The following RCC1 variants were observed in gnomAD, a reference collection of about 807,000 sequenced individuals.
RCC1 encodes the protein regulator of chromosome condensation 1.
In RCC1, 11 loss-of-function variants were observed where a neutral mutation model predicts 44.4. The observed-to-expected ratio is 0.25, with a 90% CI of 0.16 to 0.41. The LOEUF (loss-of-function observed/expected upper bound fraction) is 0.41. Ranked by LOEUF, RCC1 falls within the 10% of genes least tolerant of loss-of-function variation. The probability of loss-of-function intolerance (pLI) is 1.00; values close to 1 mark genes in which losing one functional copy is unlikely to be tolerated. For missense variants in RCC1, 386 were observed against 547.1 expected (o/e 0.71, Z 2.94); for synonymous variants, 213 against 216.5 (o/e 0.98, Z 0.14).
rs995009852 is a variant in RCC1, at chr1:28,538,147, A to G, written c.*140A>G. On this transcript the variant is annotated 3_prime_UTR_variant, in exon 13 of 13. Coordinates refer to ENST00000683442, the MANE Select transcript of RCC1 (RefSeq NM_001381865.2). ...TCCTGCCTTTTCTCATCAGCAGAAC[A>G]GAATCCTTTTCCTCTTTTCCTTCCT... The G allele has an allele frequency of 1.1e-5, 8 of 709,148 alleles. No individual in the cohort carries two copies. Among genetic ancestry groups the G allele is most frequent in the Non-Finnish European group, 1.6e-5 (7 of 445,128 alleles). The allele number at this position is 709,148 out of a possible 1,614,324, so 43.9% of individuals were successfully genotyped here.
At chr1:28,530,527 G>A (rs1287480564) in intron 5 of RCC1, 1 of 1,602,996 alleles carries the variant, frequency 6.2e-7, no homozygotes, top group Non-Finnish European at 8.5e-7. Flanking sequence ...TTGCAGACAC[G>A]AGGGCCGCTG....
chr1:28,535,026 A>T, intron 7 of RCC1, 24 bp from the exon 8 acceptor site: 1 of 1,593,214 alleles, frequency 6.3e-7, no homozygotes, highest in Non-Finnish European at 8.6e-7. Flanking sequence ...ACTGGCTGAT[A>T]AGTGCCCTGT....
At chr1:28,509,368 AGT>A in intron 3 of RCC1, 1 of 170,242 alleles carries the variant, frequency 5.9e-6, no homozygotes, top group South Asian at 1.4e-4. Flanking sequence ...CAGCCTCCCA[AGT>A]AGCTGCGACT....
chr1:28,509,308 T>C (rs1299045055), intron 3 of RCC1: 1 of 178,836 alleles, frequency 5.6e-6, no homozygotes, highest in African/African-American at 2.4e-5. Flanking sequence ...CTTTTCATGA[T>C]CTTGCTCACT....
At chr1:28,519,067 C>G (rs1278691323) in intron 4 of RCC1, 1 of 152,218 alleles carries the variant, frequency 6.6e-6, no homozygotes, top group Non-Finnish European at 1.5e-5. Flanking sequence ...AGGGGGATCC[C>G]CCACCCTGCC....
In RCC1 at chr1:28,529,927, A is replaced by C; in HGVS notation, c.61A>C (p.Lys21Gln). The change falls in exon 5 of 13, where the codon AAG becomes CAG. Residue 21 changes from lysine to glutamine, a missense_variant. Transcript: ENST00000683442. ...CCCAGCAGATGCCATCCCCAAAAGC[A>C]AGAAGGTGAAGGGTAAGTTGGCCTT... ...SPPADAIPKS[K>Q]KVKVSHRSHS... 3.1e-6 allele frequency: 5 copies of C among 1,613,928 alleles called. No individual in the cohort carries two copies. The highest frequency in any genetic ancestry group is 4.2e-6 in the Non-Finnish European group (5 of 1,179,922).
chr1:28,506,669 T>G (rs906060721), intron 1 of RCC1: 3 of 169,564 alleles, frequency 1.8e-5, no homozygotes, highest in African/African-American at 7.2e-5. Context: ...TCTTACTGCC[T>G]CATAGTAGGC....
chr1:28,530,024 C>A, intron 5 of RCC1, 85 bp downstream of exon 5: 2 of 1,092,132 alleles, frequency 1.8e-6, no homozygotes, highest in South Asian at 1.4e-5. Context: ...CTTCCTGAGG[C>A]TTGAAGCTGA....
At position 28,529,769 on chromosome 1, in the gene RCC1, C is replaced by T. The variant is rs991338526; in HGVS notation, c.-9-89C>T. Reference sequence around the variant, plus strand: ...GGAATTGTTGGGCAATTCCTCTTAACGTATTTCTAGAGTGTTTGATAAATA... The same window carrying T: ...GGAATTGTTGGGCAATTCCTCTTAATGTATTTCTAGAGTGTTTGATAAATA... On this transcript the variant is annotated intron_variant, in intron 4 of 12. Coordinates refer to ENST00000683442, the MANE Select transcript of RCC1 (RefSeq NM_001381865.2). 50 of 982,844 alleles carry T rather than the reference C, an allele frequency of 5.1e-5. 1 individual carries two copies. The highest frequency in any genetic ancestry group is 4.0e-5 in the Admixed American group (2 of 50,088). 60.9% of individuals were successfully genotyped at this position (982,844 alleles called of 1,614,324 possible).
At chr1:28,535,767 T>C in intron 9 of RCC1, 104 bp from the exon 10 acceptor site, 2 of 1,263,590 alleles carry the variant, frequency 1.6e-6, no homozygotes, top group Non-Finnish European at 2.3e-6. Flanking sequence ...GAGTCCCTAC[T>C]TAGCCTCTCA....
At chr1:28,531,259 C>CTTTTTTTTTTT (rs769808394) in intron 5 of RCC1, among the ~76,000 whole-genome samples, 16 of 132,446 alleles carry the variant, frequency 1.2e-4, no homozygotes, top group Middle Eastern at 4.2e-3. Flanking sequence ...GCTTTCTTTT[C>CTTTTTTTTTTT]TTTTTCTTTT....
At chr1:28,526,365 G>C in intron 4 of RCC1, 1 of 389,182 alleles carries the variant, frequency 2.6e-6, no homozygotes. Context: ...ACCTCTTAGT[G>C]CAAGACCAGG....
rs545762866 is a variant in RCC1 at position 28,536,647 on chromosome 1, G to A, written c.938-100G>A. The stretch of plus-strand genomic sequence containing the variant: ...TCTCCTTCTGATCGCTCTGGGAGCA[G>A]GGACACACTCCCATGGACAGGTGGA... On this transcript the variant is annotated intron_variant, in intron 11 of 12. Coordinates refer to ENST00000683442, the MANE Select transcript of RCC1 (RefSeq NM_001381865.2). The surrounding 1 kb of genome is among the most constrained non-coding windows in gnomAD (Gnocchi z 4.9). 10 of 1,402,542 alleles carry A rather than the reference G, an allele frequency of 7.1e-6. No homozygotes were observed. The African/African-American group carries it at 1.3e-4, about 18-fold the overall frequency. The allele number at this position is 1,402,542 out of a possible 1,614,324, so 86.9% of individuals were successfully genotyped here. A position where few individuals can be genotyped will look rare whatever the true frequency, so the allele number is the denominator to read the frequency against.
At chr1:28,532,827 TGTTTTGAGATGGAG>T in intron 7 of RCC1, 2 of 427,228 alleles carry the variant, frequency 4.7e-6, no homozygotes. Context: ...GTTTTTGTAT[TGTTTTGAGATGGAG>T]TTTCACTCTT....
At chr1:28,526,269 AGAGT>A (rs1247222874) in intron 4 of RCC1, 4 of 216,732 alleles carry the variant, frequency 1.8e-5, no homozygotes, top group African/African-American at 9.2e-5. Context: ...TGGGCAACAG[AGAGT>A]GAGATGCTGT....
chr1:28,517,812 CT>C (rs1364950129), intron 4 of RCC1, among the ~76,000 whole-genome samples: 2 of 152,140 alleles, frequency 1.3e-5, no homozygotes, highest in Non-Finnish European at 2.9e-5. Context: ...TCCTGCCCCC[CT>C]AGACTTAACT....
rs1486824844 is a variant in RCC1 at position 28,536,423 on chromosome 1, TC to T, written c.937+45del. The T allele has an allele frequency of 1.2e-6, 2 of 1,601,304 alleles. No individual in the cohort carries two copies. Among genetic ancestry groups the T allele is most frequent in the South Asian group, 2.2e-5 (2 of 89,410 alleles). On this transcript the variant is annotated intron_variant, in intron 11 of 12. Transcript: ENST00000683442. This position sits in a 1 kb window ranked among gnomAD's most constrained non-coding sequence, Gnocchi z 4.9. ...CTTCTCTAGTTTGGGGGTGGAGTGT[TC>T]CCTGGCCTAGGCCTAGCCAGATTCC...
At chr1:28,507,322 T>A (rs41270837) in intron 1 of RCC1, 26,692 of 512,384 alleles carry the variant, frequency 0.052, 2,179 homozygotes, top group African/African-American at 0.27. Flanking sequence ...TGGATGAAAT[T>A]GTTTCCTATT....
chr1:28,514,507 A>G (rs1453325344), intron 3 of RCC1, among the ~76,000 whole-genome samples: 1 of 151,790 alleles, frequency 6.6e-6, no homozygotes, highest in East Asian at 1.9e-4. Context: ...CACACTTGTA[A>G]TCCCAGCACT....
Sources: gnomAD v4.1 joint callset for allele counts (sites outside exome capture counted in the v4.1 genomes callset) on GRCh38, gnomAD v4.1.1 for gene constraint, Gnocchi (gnomAD v3.1) non-coding constraint, MANE v1.5 for transcripts, NCBI Gene and HGNC (gene_info 2026-07-23, HGNC 2026-07-21) for gene names.